The following DNAH7 variants were observed in gnomAD, a reference collection of about 807,000 sequenced individuals.
DNAH7 encodes dynein axonemal heavy chain 7, also known as axonemal beta dynein heavy chain 7.
In DNAH7, 397 loss-of-function variants were observed where a neutral mutation model predicts 444.6. The ratio of observed to expected loss-of-function variants is 0.89; its 90% CI spans 0.82 to 0.97. The LOEUF is 0.97. Among genes scored for constraint, DNAH7 ranks in the 50% least tolerant of loss-of-function variants. DNAH7 has a pLI of 0.00. For synonymous variants in DNAH7, 1,636 were observed against 1,624.4 expected (o/e 1.01, Z -0.17); for missense variants, 4,902 against 4,800.8 (o/e 1.02, Z -0.62).
intron 60 of DNAH7, among the ~76,000 whole-genome samples, chr2:195,775,528 A>G (rs1055982142): frequency 6.6e-6 from 1 of 152,104 alleles, no homozygotes; most frequent in African/African-American, 2.4e-5. Context: ...TCCTCTTTAA[A>G]GAAATTTAAA....
At chr2:196,049,552 T>C (rs182343490) in intron 3 of DNAH7, among the ~76,000 whole-genome samples, 49 of 152,322 alleles carry the variant, frequency 3.2e-4, no homozygotes, top group Admixed American at 6.5e-4. Flanking sequence ...AGAACTTCTA[T>C]CCAGGTACAA....
chr2:195,849,864 A>G (rs141629382), intron 46 of DNAH7, among the ~76,000 whole-genome samples: 1 of 152,206 alleles, frequency 6.6e-6, no homozygotes, highest in Admixed American at 6.5e-5. Flanking sequence ...CAGCCTCCCA[A>G]CATTCTGGGA....
chr2:195,806,957 T>C lies in DNAH7; in HGVS notation c.10084-125A>G, dbSNP rs1696743980. On this transcript the variant is annotated intron_variant, in intron 53 of 64. Coordinates refer to ENST00000312428, the MANE Select transcript of DNAH7 (RefSeq NM_018897.3). ...GAATGCTTGTCTAAATTTTACTATT[T>C]AGTGTAAAGTTGGGACATTATAAAA... The C allele has an allele frequency of 9.5e-6, 6 of 633,636 alleles. No homozygotes were observed. The South Asian group carries it at 1.5e-4, about 16-fold the overall frequency. 39.3% of individuals were successfully genotyped at this position (633,636 alleles called of 1,614,324 possible). A position where few individuals can be genotyped will look rare whatever the true frequency, so the allele number is the denominator to read the frequency against.
At chr2:195,954,738 T>C (rs539368457) in intron 19 of DNAH7, among the ~76,000 whole-genome samples, 2 of 152,368 alleles carry the variant, frequency 1.3e-5, no homozygotes, top group African/African-American at 2.4e-5. Context: ...CATGAGATGT[T>C]ATCTCATTGT....
chr2:195,910,929 A>C (rs1687322014), intron 24 of DNAH7, among the ~76,000 whole-genome samples: 1 of 152,222 alleles, frequency 6.6e-6, no homozygotes, highest in Admixed American at 6.5e-5. Context: ...AGTCATGGGC[A>C]CATTAATCCA....
chr2:195,992,720 G>A (rs2125655955), intron 12 of DNAH7, among the ~76,000 whole-genome samples: 1 of 152,320 alleles, frequency 6.6e-6, no homozygotes, highest in East Asian at 1.9e-4. Flanking sequence ...CATATTCCCA[G>A]TGGGAGATGG....
rs993345844 is a variant in DNAH7 at position 195,743,468 on chromosome 2, T to A, written c.11765-2599A>T. On this transcript the variant is annotated intron_variant, in intron 63 of 64. Transcript: ENST00000312428. ...CCTTTAGGTGCCCCTTTTCATTGTA[T>A]TTTAATTTAATCTTAGCTATATAAG... Among the ~76,000 whole-genome samples the A allele has an allele frequency of 8.5e-5, 13 of 152,194 alleles. No homozygotes were observed. The East Asian group carries it at 2.5e-3, about 29-fold the overall frequency.
intron 31 of DNAH7, 122 bp downstream of exon 31, chr2:195,891,533 G>T: frequency 1.1e-6 from 1 of 898,446 alleles, no homozygotes. Flanking sequence ...ATCCAGTACT[G>T]TGTTTTAAAT....
At chr2:195,852,550 G>C (rs1699434309) in intron 46 of DNAH7, among the ~76,000 whole-genome samples, 1 of 151,816 alleles carries the variant, frequency 6.6e-6, no homozygotes, top group African/African-American at 2.4e-5. Context: ...GCTTTGATAG[G>C]GCCATGACCC....
At chr2:196,013,696 A>G (rs1694847162) in intron 9 of DNAH7, among the ~76,000 whole-genome samples, 1 of 152,240 alleles carries the variant, frequency 6.6e-6, no homozygotes, top group African/African-American at 2.4e-5. Flanking sequence ...AATTAGGCAC[A>G]AAGTACGTAT....
intron 19 of DNAH7, among the ~76,000 whole-genome samples, chr2:195,941,835 A>G (rs1299990770): frequency 6.6e-6 from 1 of 152,166 alleles, no homozygotes; most frequent in South Asian, 2.1e-4. Flanking sequence ...TTTAGATTCA[A>G]TGTATTTCTA....
At chr2:195,802,746 T>G (rs563986022) in intron 54 of DNAH7, among the ~76,000 whole-genome samples, 13 of 152,200 alleles carry the variant, frequency 8.5e-5, no homozygotes, top group African/African-American at 2.9e-4. Flanking sequence ...CAAGTGCAAT[T>G]TTTTACATGC....
intron 32 of DNAH7, 131 bp from the exon 33 acceptor site, chr2:195,888,565 G>A: frequency 9.4e-7 from 1 of 1,061,594 alleles, no homozygotes. Flanking sequence ...ATAATTTCAT[G>A]ATGTCGATTT....
At chr2:195,861,101 C>A (rs191566141) in intron 42 of DNAH7, among the ~76,000 whole-genome samples, 315 of 152,092 alleles carry the variant, frequency 2.1e-3, no homozygotes, top group African/African-American at 6.9e-3. Flanking sequence ...AATCCAAGGT[C>A]CCCTTTAAAG....
chr2:195,844,650 C>A (rs1178112855), intron 47 of DNAH7, among the ~76,000 whole-genome samples: 2 of 152,172 alleles, frequency 1.3e-5, no homozygotes, highest in Admixed American at 1.3e-4. Context: ...CAATCACCAC[C>A]AATGACACAC....
At chr2:195,987,798 G>A (rs1212859102) in intron 13 of DNAH7, among the ~76,000 whole-genome samples, 159 bp downstream of exon 13, 1 of 151,958 alleles carries the variant, frequency 6.6e-6, no homozygotes, top group African/African-American at 2.4e-5. Flanking sequence ...CTTATACTCA[G>A]GGCTTACCAC....
chr2:195,913,315 T>C (rs1014301728), intron 24 of DNAH7, among the ~76,000 whole-genome samples: 7 of 152,172 alleles, frequency 4.6e-5, no homozygotes, highest in Admixed American at 1.3e-4. Context: ...CTTTAGGCTT[T>C]ATTAAGCAAA....
At position 195,871,792 on chromosome 2, in the gene DNAH7, G is replaced by A. The variant is rs568903944; in HGVS notation, c.6633+458C>T. Among the ~76,000 whole-genome samples, 82 of 86,312 alleles carry A rather than the reference G, an allele frequency of 9.5e-4. 12 individuals are homozygous for A. The highest frequency in any genetic ancestry group is 1.4e-3 in the Non-Finnish European group (69 of 48,232). The allele number at this position is 86,312 out of a possible 152,430, so 56.6% of individuals were successfully genotyped here. A position where few individuals can be genotyped will look rare whatever the true frequency, so the allele number is the denominator to read the frequency against. ...TAAAAATACAAAAAATTAGCCGGGCGTAGTGGCGGGCGCCTGTAGTCCCAG... is the reference window on the plus strand; with the variant it reads ...TAAAAATACAAAAAATTAGCCGGGCATAGTGGCGGGCGCCTGTAGTCCCAG... On this transcript the variant is annotated intron_variant, in intron 40 of 64. Transcript: ENST00000312428.
chr2:195,771,382 G>C (rs111853873), intron 61 of DNAH7, among the ~76,000 whole-genome samples: 4,202 of 151,864 alleles, frequency 0.028, 82 homozygotes, highest in Middle Eastern at 0.054. Flanking sequence ...GCTTTATGAA[G>C]GCAAGGGCTC....
Sources: gnomAD v4.1 joint callset for allele counts (sites outside exome capture counted in the v4.1 genomes callset) on GRCh38, gnomAD v4.1.1 for gene constraint, MANE v1.5 for transcripts, NCBI Gene and HGNC (gene_info 2026-07-23, HGNC 2026-07-21) for gene names.